Variants in ZNF282 observed in about 807,000 individuals in gnomAD.
ZNF282 encodes zinc finger protein 282.
A neutral mutation model predicts 61.9 loss-of-function variants in ZNF282; 30 were observed. The ratio of observed to expected loss-of-function variants is 0.48; its 90% CI spans 0.36 to 0.66. The LOEUF is 0.66. ZNF282 is among the 30% of genes least tolerant of loss of function. ZNF282 has a pLI of 0.00. For synonymous variants in ZNF282, 396 were observed against 405.0 expected (o/e 0.98, Z 0.27); for missense variants, 788 against 941.4 (o/e 0.84, Z 2.13).
At chr7:149,214,178 A>G (rs1373620805) in intron 7 of ZNF282, among the ~76,000 whole-genome samples, 2 of 152,198 alleles carry the variant, frequency 1.3e-5, no homozygotes, top group Non-Finnish European at 2.9e-5. Flanking sequence ...GCTGGGTGCC[A>G]GGAACCTCTG....
Position 149,224,111 on chromosome 7 carries a change from G to A in ZNF282, c.1480G>A (p.Gly494Ser), listed in dbSNP as rs1226932670. The change falls in exon 8 of 8, where the codon GGC becomes AGC. Residue 494 changes from glycine (G) to serine (S), a missense_variant. Around this residue, in one of 3 missense-constraint regions of ZNF282, gnomAD observed 559 missense variants for 642.0 expected, o/e 0.87. Coordinates refer to ENST00000610704, the MANE Select transcript of ZNF282 (RefSeq NM_003575.4). ...GGAEAGTGAG[G>S]GCGSCCPGGL... ...CGCGGAGGCGGGGACGGGGGCAGGC[G>A]GCGGCTGTGGCAGCTGCTGCCCTGG... The A allele has an allele frequency of 4.9e-6, 7 of 1,429,474 alleles. No individual in the cohort carries two copies. The highest frequency in any genetic ancestry group is 6.4e-6 in the Non-Finnish European group (7 of 1,096,004). The allele number at this position is 1,429,474 out of a possible 1,614,324, so 88.5% of individuals were successfully genotyped here.
intron 2 of ZNF282, 121 bp from the exon 3 acceptor site, chr7:149,206,575 G>C: frequency 6.9e-7 from 1 of 1,458,084 alleles, no homozygotes. Flanking sequence ...GTGGGGACTG[G>C]GGAGCCACGG....
chr7:149,206,732 T>C lies in ZNF282; in HGVS notation c.622T>C (p.Ser208Pro). The change falls in exon 3 of 8, where the codon TCC becomes CCC. Residue 208 changes from serine to proline, a missense_variant. By Grantham distance (74) the Ser-to-Pro change is moderately conservative. This residue lies in a region of ZNF282 where 92 missense variants were observed against 163.9 expected (regional missense o/e 0.56). Transcript: ENST00000610704. ...VTFVDIAVYF[S>P]EDEWKNLDEW... ...TTTTGTCGACATTGCTGTGTACTTC[T>C]CCGAAGACGAGTGGAAGAACTTGGA... 6.2e-7 allele frequency: 1 copy of C among 1,614,148 alleles called. No individual in the cohort carries two copies. Among genetic ancestry groups the C allele is most frequent in the Non-Finnish European group, 8.5e-7 (1 of 1,180,026 alleles).
At position 149,223,886 on chromosome 7, in the gene ZNF282, CCGCAGCTGCAGT is replaced by C. The variant is rs1220352278; in HGVS notation, c.1262_1273del (p.Leu421_Gln424del). The C allele has an allele frequency of 2.1e-6, 3 of 1,431,622 alleles. No homozygotes were observed. Among genetic ancestry groups the C allele is most frequent in the South Asian group, 2.8e-5 (2 of 71,078 alleles). The allele number at this position is 1,431,622 out of a possible 1,614,324, so 88.7% of individuals were successfully genotyped here. On this transcript the variant is annotated inframe_deletion, in exon 8 of 8. Transcript: ENST00000610704. ...CCAGCCCCAGCCCCAGCCACCGCAGCCGCAGCTGCAGTCGCAGCCCCAGCCCCAGAGCCTGCC... is the reference window on the plus strand; with the variant it reads ...CCAGCCCCAGCCCCAGCCACCGCAGCCGCAGCCCCAGCCCCAGAGCCTGCC...
chr7:149,200,580 G>A (rs567226269), intron 2 of ZNF282, among the ~76,000 whole-genome samples: 1 of 151,806 alleles, frequency 6.6e-6, no homozygotes, highest in Admixed American at 6.6e-5. Flanking sequence ...CCGTCTCACA[G>A]TCTTTATTAT....
chr7:149,198,415 A>G lies in ZNF282; in HGVS notation c.248A>G (p.Asp83Gly). 1.2e-6 allele frequency: 2 copies of G among 1,614,042 alleles called. No individual in the cohort carries two copies. The highest frequency in any genetic ancestry group is 1.7e-6 in the Non-Finnish European group (2 of 1,179,998). The part of the protein sequence containing the change: ...PFPDRAPVFP[D>G]RMMREPQLPT... ...CCAGATAGGGCACCTGTCTTCCCCG[A>G]CCGCATGATGCGAGAGCCCCAGTTG... is the stretch of plus-strand genomic sequence containing the variant. Residue 83 changes from aspartate to glycine, a missense_variant, in exon 2 of 8, where the codon GAC becomes GGC. This residue lies in a region of ZNF282 where 137 missense variants were observed against 135.4 expected (regional missense o/e 1.01). Transcript: ENST00000610704. The surrounding 1 kb of genome is among the most constrained non-coding windows in gnomAD (Gnocchi z 4.3).
chr7:149,213,303 C>T (rs2129523480), intron 6 of ZNF282, among the ~76,000 whole-genome samples: 1 of 152,310 alleles, frequency 6.6e-6, no homozygotes, highest in Middle Eastern at 3.4e-3. Flanking sequence ...TATCAATGAC[C>T]TCTGGTTGCA....
chr7:149,201,592 A>T (rs893794651), intron 2 of ZNF282, among the ~76,000 whole-genome samples: 21 of 152,172 alleles, frequency 1.4e-4, no homozygotes, highest in African/African-American at 4.8e-4. Context: ...TCTCTACTAA[A>T]AATACAAAAA....
chr7:149,221,285 G>A (rs1195292613), intron 7 of ZNF282, among the ~76,000 whole-genome samples: 1 of 152,194 alleles, frequency 6.6e-6, no homozygotes, highest in East Asian at 1.9e-4. Flanking sequence ...CAAGCACAAC[G>A]GCGGAGCAAA....
chr7:149,210,353 C>T (rs1350395689), intron 4 of ZNF282, among the ~76,000 whole-genome samples: 1 of 152,186 alleles, frequency 6.6e-6, no homozygotes, highest in African/African-American at 2.4e-5. Context: ...GGCTTCCTCT[C>T]TGCTCCTGAG....
intron 5 of ZNF282, 102 bp downstream of exon 5, chr7:149,210,806 C>T (rs764239776): frequency 1.4e-6 from 2 of 1,424,552 alleles, no homozygotes; most frequent in Non-Finnish European, 1.9e-6. Flanking sequence ...TGTGCCAGGC[C>T]AGAGGGCTGA....
Position 149,224,118 on chromosome 7 carries a change from G to A in ZNF282, c.1487G>A (p.Cys496Tyr). The change falls in exon 8 of 8, where the codon TGT becomes TAT. Residue 496 changes from cysteine to tyrosine, a missense_variant. This residue lies in a region of ZNF282 where 559 missense variants were observed against 642.0 expected (regional missense o/e 0.87). Transcript: ENST00000610704. The stretch of plus-strand genomic sequence containing the variant: ...GCGGGGACGGGGGCAGGCGGCGGCT[G>A]TGGCAGCTGCTGCCCTGGCGGGCTG... ...AEAGTGAGGG[C>Y]GSCCPGGLRR... 2 of 1,444,746 alleles carry A rather than the reference G, an allele frequency of 1.4e-6. No homozygotes were observed. Among genetic ancestry groups the A allele is most frequent in the Non-Finnish European group, 1.8e-6 (2 of 1,104,210 alleles). The allele number at this position is 1,444,746 out of a possible 1,614,324, so 89.5% of individuals were successfully genotyped here. A position where few individuals can be genotyped will look rare whatever the true frequency, so the allele number is the denominator to read the frequency against.
intron 2 of ZNF282, among the ~76,000 whole-genome samples, chr7:149,199,145 A>G (rs919383696): frequency 1.3e-5 from 2 of 152,152 alleles, no homozygotes; most frequent in Non-Finnish European, 2.9e-5. Flanking sequence ...ACCTCAAACC[A>G]GGCTGCCTGG....
chr7:149,208,488 C>T (rs1037457522), intron 4 of ZNF282, among the ~76,000 whole-genome samples: 7 of 151,646 alleles, frequency 4.6e-5, no homozygotes, highest in Non-Finnish European at 1.0e-4. Flanking sequence ...CAGGCGTGAG[C>T]CACCATGCCC....
At chr7:149,215,985 G>A (rs774711629) in intron 7 of ZNF282, among the ~76,000 whole-genome samples, 1 of 152,226 alleles carries the variant, frequency 6.6e-6, no homozygotes, top group Non-Finnish European at 1.5e-5. Flanking sequence ...CTTGTGCTGT[G>A]TGGAAAGCAG....
intron 7 of ZNF282, among the ~76,000 whole-genome samples, chr7:149,220,650 CT>C (rs1796230030): frequency 1.3e-5 from 2 of 152,136 alleles, no homozygotes; most frequent in Admixed American, 1.3e-4. Flanking sequence ...CCATCTTTTC[CT>C]GCACACTCTA....
intron 6 of ZNF282, 23 bp downstream of exon 6, chr7:149,212,494 T>C (rs2129523447): frequency 1.3e-6 from 2 of 1,534,372 alleles, no homozygotes; most frequent in East Asian, 4.5e-5. Context: ...TCAGAATGAA[T>C]CTTGAGGGCA....
At chr7:149,205,917 T>C (rs1428478958) in intron 2 of ZNF282, among the ~76,000 whole-genome samples, 1 of 152,178 alleles carries the variant, frequency 6.6e-6, no homozygotes. Context: ...GAAGGCTGTG[T>C]GTCCAGAGGA....
intron 7 of ZNF282, among the ~76,000 whole-genome samples, chr7:149,218,847 G>T (rs1417584072): frequency 1.3e-5 from 2 of 152,172 alleles, no homozygotes; most frequent in Non-Finnish European, 2.9e-5. Flanking sequence ...ACAGCAAAAG[G>T]ATTCAAATCA....
Sources: gnomAD v4.1 joint callset for allele counts (sites outside exome capture counted in the v4.1 genomes callset) on GRCh38, gnomAD v4.1.1 for gene constraint, gnomAD v4.1.1 regional missense constraint, Gnocchi (gnomAD v3.1) non-coding constraint, MANE v1.5 for transcripts, NCBI Gene and HGNC (gene_info 2026-07-23, HGNC 2026-07-21) for gene names.